Variants in PPP1R42 observed in about 807,000 individuals in gnomAD.
PPP1R42 encodes the protein protein phosphatase 1 regulatory subunit 42, also known as leucine rich repeat containing 67.
In PPP1R42, 34 loss-of-function variants were observed where a neutral mutation model predicts 31.0. The ratio of observed to expected loss-of-function variants is 1.10; its 90% CI spans 0.83 to 1.46. The LOEUF (loss-of-function observed/expected upper bound fraction) is 1.46, where lower values mean the gene tolerates loss of function less well. Ranked by LOEUF, PPP1R42 falls within the 40% of genes most tolerant of loss-of-function variation. The pLI is 0.00. For synonymous variants in PPP1R42, 103 were observed against 109.8 expected (o/e 0.94, Z 0.39); for missense variants, 268 against 303.0 (o/e 0.88, Z 0.86).
chr8:66,984,954 G>T (rs1814959406), intron 6 of PPP1R42: 1 of 1,548,340 alleles, frequency 6.5e-7, no homozygotes, highest in African/African-American at 1.4e-5. Context: ...CTGGAGCATT[G>T]AGCTGGGCTG....
intron 7 of PPP1R42, among the ~76,000 whole-genome samples, chr8:66,970,505 A>T (rs1343399274): frequency 6.6e-6 from 1 of 152,136 alleles, no homozygotes; most frequent in Non-Finnish European, 1.5e-5. Flanking sequence ...ATCAGGAGAA[A>T]CTTCTGCCTC....
chr8:67,011,992 C>T lies in PPP1R42; in HGVS notation c.435+966G>A, dbSNP rs559595866. 5.3e-5 allele frequency among the ~76,000 whole-genome samples: 8 copies of T among 152,192 alleles called. No homozygotes were observed. In the East Asian group the frequency reaches 5.8e-4, roughly 11 times the overall value. ...CCCTCTAAAATAAAACTGATGAGGC[C>T]GGGCACGGTGGCTCACGACTGTAAT... On this transcript the variant is annotated intron_variant, in intron 4 of 7. Transcript: ENST00000685739.
intron 1 of PPP1R42, among the ~76,000 whole-genome samples, chr8:67,018,608 G>A (rs1174565966): frequency 6.6e-6 from 1 of 151,590 alleles, no homozygotes; most frequent in Non-Finnish European, 1.5e-5. Flanking sequence ...CGTCTCCTGG[G>A]TTCAAACAAT....
At chr8:66,999,455 A>G (rs1815422251) in intron 5 of PPP1R42, among the ~76,000 whole-genome samples, 1 of 152,168 alleles carries the variant, frequency 6.6e-6, no homozygotes, top group African/African-American at 2.4e-5. Flanking sequence ...TCCTGACCTC[A>G]GGTGATCCTC....
At chr8:66,967,554 C>A (rs1814418975) in intron 7 of PPP1R42, among the ~76,000 whole-genome samples, 2 of 152,200 alleles carry the variant, frequency 1.3e-5, no homozygotes, top group African/African-American at 4.8e-5. Context: ...TCTGTTGTTA[C>A]AACTGTTCAA....
chr8:66,965,062 C>T (rs1371256433), intron 7 of PPP1R42, among the ~76,000 whole-genome samples: 1 of 152,146 alleles, frequency 6.6e-6, no homozygotes, highest in East Asian at 1.9e-4. Flanking sequence ...AGTCTGGTTT[C>T]TTTCACTTAG....
At chr8:67,028,375 G>A (rs1816466761) in intron 1 of PPP1R42, 116 bp downstream of exon 1, 1 of 434,756 alleles carries the variant, frequency 2.3e-6, no homozygotes, top group Non-Finnish European at 3.1e-6. Flanking sequence ...TAAAGATAGG[G>A]CCCAAGGATC....
chr8:66,964,306 A>G lies in PPP1R42; in HGVS notation c.*15T>C, dbSNP rs956659102. On this transcript the variant is annotated 3_prime_UTR_variant, in exon 8 of 8. Transcript: ENST00000685739. ...TCATGCACATCATTTTTTGTCAGCA[A>G]GCTTTCAGATTGCTTCAAAGAGAGA... 2 of 1,280,058 alleles carry G rather than the reference A, an allele frequency of 1.6e-6. No homozygotes were observed. The highest frequency in any genetic ancestry group is 2.4e-5 in the Admixed American group (1 of 41,240). The allele number at this position is 1,280,058 out of a possible 1,614,324, so 79.3% of individuals were successfully genotyped here.
intron 6 of PPP1R42, chr8:66,984,391 A>G (rs2130926806): frequency 7.6e-7 from 1 of 1,311,022 alleles, no homozygotes; most frequent in Admixed American, 1.7e-5. Context: ...CCGATGCAGC[A>G]TAAGATGCTT....
intron 5 of PPP1R42, among the ~76,000 whole-genome samples, chr8:67,007,417 C>T (rs530545223): frequency 6.6e-6 from 1 of 152,316 alleles, no homozygotes; most frequent in African/African-American, 2.4e-5. Flanking sequence ...GGCTGGAGTG[C>T]AGTGGCACAA....
chr8:67,026,113 A>C (rs942864624), intron 1 of PPP1R42, among the ~76,000 whole-genome samples: 4 of 151,976 alleles, frequency 2.6e-5, no homozygotes, highest in Admixed American at 6.6e-5. Flanking sequence ...AGGTGGGTGG[A>C]TCACCTGAGG....
intron 7 of PPP1R42, among the ~76,000 whole-genome samples, chr8:66,974,728 AT>A (rs1814623203): frequency 6.6e-6 from 1 of 152,078 alleles, no homozygotes; most frequent in African/African-American, 2.4e-5. Context: ...AAAAACCACT[AT>A]TTGTTTAAGA....
At chr8:66,971,572 G>C (rs1422486804) in intron 7 of PPP1R42, among the ~76,000 whole-genome samples, 1 of 152,030 alleles carries the variant, frequency 6.6e-6, no homozygotes, top group Non-Finnish European at 1.5e-5. Context: ...TTTTAAGTAG[G>C]GACAGCCCTA....
At chr8:67,020,168 C>G (rs1028730517) in intron 1 of PPP1R42, among the ~76,000 whole-genome samples, 1 of 151,948 alleles carries the variant, frequency 6.6e-6, no homozygotes, top group Non-Finnish European at 1.5e-5. Flanking sequence ...GCAACATAAT[C>G]CAGGGTTTTT....
chr8:67,026,192 G>T (rs1816391998), intron 1 of PPP1R42, among the ~76,000 whole-genome samples: 1 of 151,590 alleles, frequency 6.6e-6, no homozygotes, highest in Non-Finnish European at 1.5e-5. Flanking sequence ...AAAAAAATTA[G>T]CCGGGCATGG....
chr8:66,998,122 C>G (rs138364690), intron 5 of PPP1R42, among the ~76,000 whole-genome samples: 2 of 151,978 alleles, frequency 1.3e-5, no homozygotes, highest in African/African-American at 4.8e-5. Context: ...ATAAAAAAAT[C>G]AAAACCAGAA....
intron 2 of PPP1R42, among the ~76,000 whole-genome samples, chr8:67,015,559 CTTA>C (rs1815989614): frequency 6.7e-6 from 1 of 149,076 alleles, no homozygotes; most frequent in Non-Finnish European, 1.5e-5. Flanking sequence ...TACATTCTTT[CTTA>C]TTATATGTAT....
chr8:66,985,727 G>T, intron 6 of PPP1R42: 2 of 1,298,776 alleles, frequency 1.5e-6, no homozygotes, highest in African/African-American at 1.5e-5. Flanking sequence ...TTTGGCTGAG[G>T]TGTAGGGGGG....
intron 6 of PPP1R42, chr8:66,986,046 G>A: frequency 1.3e-6 from 1 of 746,336 alleles, no homozygotes; most frequent in Admixed American, 1.7e-5. Context: ...CACAAATCGG[G>A]GAGTAGAATC....
Sources: gnomAD v4.1 joint callset for allele counts (sites outside exome capture counted in the v4.1 genomes callset) on GRCh38, gnomAD v4.1.1 for gene constraint, MANE v1.5 for transcripts, NCBI Gene and HGNC (gene_info 2026-07-23, HGNC 2026-07-21) for gene names.